Variants in PTPRQ observed in about 807,000 individuals in gnomAD.
The protein encoded by PTPRQ is phosphatidylinositol phosphatase PTPRQ.
A neutral mutation model predicts 246.0 loss-of-function variants in PTPRQ; 199 were observed. That is an observed-to-expected ratio of 0.81 (90% CI 0.72 to 0.91). The LOEUF (loss-of-function observed/expected upper bound fraction) is 0.91, where lower values mean the gene tolerates loss of function less well. Ranked by LOEUF, PTPRQ falls within the 40% of genes least tolerant of loss-of-function variation. PTPRQ has a pLI of 0.00. For synonymous variants in PTPRQ, 869 were observed against 853.2 expected, an observed-to-expected ratio of 1.02 and a Z score of -0.32; for missense variants, 2,624 against 2,528.4, an observed-to-expected ratio of 1.04 and a Z score of -0.81.
intron 17 of PTPRQ, among the ~76,000 whole-genome samples, chr12:80,523,232 C>A (rs544378426): frequency 2.0e-5 from 3 of 151,830 alleles, no homozygotes; most frequent in Non-Finnish European, 4.4e-5. Context: ...TTTTTTATTG[C>A]GTCTATTTGA....
Position 80,582,739 on chromosome 12 carries a change from T to C in PTPRQ, c.4286-5390T>C, listed in dbSNP as rs188567226. 5.9e-5 allele frequency among the ~76,000 whole-genome samples: 9 copies of C among 152,196 alleles called. 2 individuals are homozygous for C. Among genetic ancestry groups the C allele is most frequent in the African/African-American group, 1.9e-4 (8 of 41,504 alleles). Reference sequence around the variant, plus strand: ...CAAACTAAGACAGTCACTCTAGATATATTCTTTGGAAGTGAGAGAAGGGAC... The same window carrying C: ...CAAACTAAGACAGTCACTCTAGATACATTCTTTGGAAGTGAGAGAAGGGAC... On this transcript the variant is annotated intron_variant, in intron 25 of 44. Transcript: ENST00000644991.
chr12:80,627,346 A>T (rs1048033167), intron 33 of PTPRQ, among the ~76,000 whole-genome samples: 6 of 41,472 alleles, frequency 1.4e-4, no homozygotes, highest in Non-Finnish European at 3.0e-4. Flanking sequence ...CTCAATTTTT[A>T]TAATAATAAT....
intron 25 of PTPRQ, among the ~76,000 whole-genome samples, chr12:80,578,481 C>A (rs1251059278): frequency 6.6e-6 from 1 of 152,060 alleles, no homozygotes. Flanking sequence ...AGCTCCGCCT[C>A]CCGGGTTCAT....
At chr12:80,476,491 AG>A (rs1351101338) in intron 8 of PTPRQ, among the ~76,000 whole-genome samples, 18 of 152,306 alleles carry the variant, frequency 1.2e-4, no homozygotes, top group African/African-American at 4.3e-4. Context: ...CACAATATCT[AG>A]GGAGTCTTTA....
intron 35 of PTPRQ, among the ~76,000 whole-genome samples, chr12:80,646,759 A>C (rs1441872838): frequency 1.3e-5 from 2 of 152,202 alleles, no homozygotes; most frequent in Admixed American, 6.6e-5. Flanking sequence ...CTGCGAAAAA[A>C]AAAATCTTTA....
chr12:80,553,671 G>C (rs2120887869), intron 25 of PTPRQ, among the ~76,000 whole-genome samples: 1 of 152,168 alleles, frequency 6.6e-6, no homozygotes. Flanking sequence ...TTTATGAGGA[G>C]ATTAGTGTTT....
intron 33 of PTPRQ, among the ~76,000 whole-genome samples, chr12:80,623,593 G>A (rs1450374553): frequency 6.6e-6 from 1 of 152,128 alleles, no homozygotes; most frequent in Non-Finnish European, 1.5e-5. Flanking sequence ...CAGCTAAGTA[G>A]TGATCCTGGT....
intron 3 of PTPRQ, among the ~76,000 whole-genome samples, chr12:80,453,149 T>A (rs1041641595): frequency 6.6e-6 from 1 of 152,216 alleles, no homozygotes; most frequent in African/African-American, 2.4e-5. Flanking sequence ...TTCTTCCAGT[T>A]GATCGCATCG....
At chr12:80,594,596 C>T (rs989167434) in intron 26 of PTPRQ, among the ~76,000 whole-genome samples, 2 of 152,082 alleles carry the variant, frequency 1.3e-5, no homozygotes, top group Non-Finnish European at 1.5e-5. Context: ...TTGCCACCTT[C>T]CCTTGCAAGT....
intron 34 of PTPRQ, chr12:80,634,639 C>A (rs2121176251): frequency 8.2e-6 from 2 of 243,272 alleles, no homozygotes; most frequent in South Asian, 5.8e-5. Flanking sequence ...GAAACAAGAT[C>A]ACAACGTAAG....
At chr12:80,505,856 G>A (rs1046460017) in intron 14 of PTPRQ, among the ~76,000 whole-genome samples, 168 bp from the exon 15 acceptor site, 9 of 151,800 alleles carry the variant, frequency 5.9e-5, no homozygotes, top group African/African-American at 2.2e-4. Context: ...TTATACAGTT[G>A]TAAGAACTGT....
chr12:80,619,508 A>G lies in PTPRQ; in HGVS notation c.5355A>G (p.Ile1785Met), dbSNP rs750350145. 1.7e-4 allele frequency: 258 copies of G among 1,539,760 alleles called. 1 individual carries two copies. Among genetic ancestry groups the G allele is most frequent in the Admixed American group, 5.4e-4 (27 of 50,044 alleles). Residue 1785 changes from isoleucine to methionine, a missense_variant, in exon 31 of 45, where the codon ATA becomes ATG. Ile to Met is a conservative substitution (Grantham distance 10, BLOSUM62 1). Coordinates refer to ENST00000644991, the MANE Select transcript of PTPRQ (RefSeq NM_001145026.2). The stretch of plus-strand genomic sequence containing the variant: ...ACTACAGTGATGATCATGGACCAAT[A>G]AAAAATGTACAAGTGCTTGTGACAG... ...ICYYSDDHGP[I>M]KNVQVLVTET... is the part of the protein sequence containing the mutation.
At chr12:80,582,269 C>T (rs898466728) in intron 25 of PTPRQ, among the ~76,000 whole-genome samples, 1 of 152,086 alleles carries the variant, frequency 6.6e-6, no homozygotes, top group African/African-American at 2.4e-5. Flanking sequence ...TCCCAGTTTC[C>T]AGGGCAGTCT....
At chr12:80,465,483 G>T (rs1236310322) in intron 6 of PTPRQ, 2 of 152,122 alleles carry the variant, frequency 1.3e-5, no homozygotes, top group Admixed American at 6.5e-5. Context: ...GAAAAAGAGG[G>T]AATCCTCCCT....
chr12:80,541,801 C>G lies in PTPRQ; in HGVS notation c.3401C>G (p.Ser1134Cys), dbSNP rs1175280460. ...ACTCCATCAACAGAAAAGGGATTCT[C>G]TGATACCTATACTGCCCAGCTATAC... is the stretch of plus-strand genomic sequence containing the variant. Reference protein sequence around the residue: ...KITPSTEKGFSDTYTAQLYIK... With the variant: ...KITPSTEKGFCDTYTAQLYIK... The change falls in exon 21 of 45, where the codon TCT (serine) becomes TGT (cysteine). Residue 1134 changes from serine (S) to cysteine (C), a missense_variant. Coordinates refer to ENST00000644991, the MANE Select transcript of PTPRQ (RefSeq NM_001145026.2). The G allele has an allele frequency of 1.4e-5, 22 of 1,550,318 alleles. No individual in the cohort carries two copies. Among genetic ancestry groups the G allele is most frequent in the Non-Finnish European group, 1.8e-5 (21 of 1,146,378 alleles).
intron 17 of PTPRQ, among the ~76,000 whole-genome samples, chr12:80,530,484 G>A (rs1312718603): frequency 2.0e-5 from 3 of 152,114 alleles, no homozygotes; most frequent in African/African-American, 7.2e-5. Flanking sequence ...CAGAAGGTGT[G>A]AAAGTTAACT....
intron 17 of PTPRQ, among the ~76,000 whole-genome samples, chr12:80,530,705 T>C (rs1895819835): frequency 6.6e-6 from 1 of 152,196 alleles, no homozygotes; most frequent in Non-Finnish European, 1.5e-5. Flanking sequence ...ACTAAAAATC[T>C]ACTAAAATCT....
At chr12:80,643,176 G>A (rs1359386069) in intron 35 of PTPRQ, among the ~76,000 whole-genome samples, 2 of 152,100 alleles carry the variant, frequency 1.3e-5, no homozygotes, top group Non-Finnish European at 2.9e-5. Context: ...GGTGGCTCAT[G>A]CCTGTAATCC....
chr12:80,534,238 C>T (rs1438947579), intron 18 of PTPRQ, 63 bp downstream of exon 18: 2 of 1,366,274 alleles, frequency 1.5e-6, no homozygotes, highest in African/African-American at 3.0e-5. Flanking sequence ...AAATCCTGCC[C>T]AGAAAAATAT....
Sources: allele counts gnomAD v4.1 joint callset (sites outside exome capture counted in the v4.1 genomes callset), GRCh38; gene constraint gnomAD v4.1.1; transcripts MANE v1.5; gene names NCBI Gene and HGNC (gene_info 2026-07-23, HGNC 2026-07-21).